Variants in UGT1A10 observed in about 807,000 individuals in gnomAD.
UGT1A10 encodes UDP-glucuronosyltransferase 1A10.
Under a neutral mutation model 45.8 loss-of-function variants are expected in UGT1A10, and 49 were observed. The ratio of observed to expected loss-of-function variants is 1.07; its 90% CI spans 0.85 to 1.36. The LOEUF is 1.36. Ranked by LOEUF, UGT1A10 falls within the 40% of genes most tolerant of loss-of-function variation. UGT1A10 has a pLI of 0.00. For missense variants in UGT1A10, 745 were observed against 668.6 expected (o/e 1.11, Z -1.26); for synonymous variants, 284 against 249.7 (o/e 1.14, Z -1.29).
At chr2:233,661,682 T>TCTTTCTTTCTTTCTTTCTTTC (rs1559329471) in intron 1 of UGT1A10, among the ~76,000 whole-genome samples, 1 of 150,368 alleles carries the variant, frequency 6.7e-6, no homozygotes, top group Admixed American at 6.7e-5. Context: ...TTTCTTTCTT[T>TCTTTCTTTCTTTCTTTCTTTC]TTAAACAAAG....
intron 1 of UGT1A10, among the ~76,000 whole-genome samples, chr2:233,765,988 G>A (rs909645564): frequency 6.6e-6 from 1 of 152,138 alleles, no homozygotes; most frequent in Non-Finnish European, 1.5e-5. Flanking sequence ...AGCTCCTGAA[G>A]CTCCAGTGGG....
chr2:233,724,525 T>G (rs2077275879), intron 1 of UGT1A10, among the ~76,000 whole-genome samples: 2 of 90,906 alleles, frequency 2.2e-5, no homozygotes, highest in African/African-American at 4.9e-5. Flanking sequence ...CCAGATGGGG[T>G]CTCGCCGGGC....
chr2:233,743,530 C>A (rs781463146), intron 1 of UGT1A10: 1 of 1,367,250 alleles, frequency 7.3e-7, no homozygotes, highest in Non-Finnish European at 9.8e-7. Flanking sequence ...GCTTCCCCAG[C>A]AGTTCCTCTG....
At chr2:233,713,077 G>A (rs1466431854) in intron 1 of UGT1A10, 1 of 1,614,196 alleles carries the variant, frequency 6.2e-7, no homozygotes, top group South Asian at 1.1e-5. Flanking sequence ...GCTGAGAGTG[G>A]GAAGGTGCTG....
chr2:233,757,071 A>G (rs1696390721), intron 1 of UGT1A10, among the ~76,000 whole-genome samples: 1 of 151,466 alleles, frequency 6.6e-6, no homozygotes. Context: ...GGGATCCAGA[A>G]TGGCTAGAGG....
intron 1 of UGT1A10, among the ~76,000 whole-genome samples, chr2:233,681,673 C>T (rs2074533859): frequency 6.6e-6 from 1 of 151,820 alleles, no homozygotes; most frequent in South Asian, 2.1e-4. Flanking sequence ...TGTTTCTAAA[C>T]TCATATTGCA....
intron 1 of UGT1A10, among the ~76,000 whole-genome samples, chr2:233,751,872 G>C (rs151015857): frequency 6.6e-6 from 1 of 152,110 alleles, no homozygotes; most frequent in Non-Finnish European, 1.5e-5. Context: ...AAATTACCCC[G>C]TCTTGGGTAT....
At chr2:233,648,081 C>T (rs577937927) in intron 1 of UGT1A10, 1 of 1,522,766 alleles carries the variant, frequency 6.6e-7, no homozygotes, top group Non-Finnish European at 8.8e-7. Flanking sequence ...CCTTATACAC[C>T]CTGGAGGATC....
At position 233,725,210 on chromosome 2, in the gene UGT1A10, AGAGGCAGAG is replaced by A. The variant is rs55801126; in HGVS notation, c.856-41813_856-41805del. The stretch of plus-strand genomic sequence containing the variant: ...CAGAGGCAGAGGCAGAGGCAGAGGC[AGAGGCAGAG>A]GAGGCAGAGGCAGAGGAGGCAGAGG... On this transcript the variant is annotated intron_variant, in intron 1 of 4. Transcript: ENST00000344644. 6.2e-4 allele frequency among the ~76,000 whole-genome samples: 55 copies of A among 88,388 alleles called. 3 individuals are homozygous for A. The highest frequency in any genetic ancestry group is 1.8e-3 in the South Asian group (4 of 2,232). 58.0% of individuals were successfully genotyped at this position (88,388 alleles called of 152,430 possible).
chr2:233,655,265 T>C (rs907354050), intron 1 of UGT1A10, among the ~76,000 whole-genome samples: 1 of 152,134 alleles, frequency 6.6e-6, no homozygotes, highest in African/African-American at 2.4e-5. Context: ...CTTGTAACCT[T>C]GTGTTTTGGG....
intron 1 of UGT1A10, chr2:233,648,413 T>C: frequency 4.6e-6 from 1 of 218,670 alleles, no homozygotes. Context: ...CCTAGATATG[T>C]CTCAGGGTTT....
chr2:233,717,899 T>A (rs1410240697), intron 1 of UGT1A10: 2 of 454,694 alleles, frequency 4.4e-6, no homozygotes, highest in Non-Finnish European at 8.8e-6. Flanking sequence ...ATCTTCAGGA[T>A]GAAATAAAGG....
chr2:233,729,686 G>A (rs1336517970), intron 1 of UGT1A10: 2 of 1,613,912 alleles, frequency 1.2e-6, no homozygotes, highest in Admixed American at 1.7e-5. Context: ...GGCACACAGT[G>A]TCCAAACCCT....
intron 1 of UGT1A10, among the ~76,000 whole-genome samples, chr2:233,708,270 A>G (rs2076010926): frequency 6.6e-6 from 1 of 152,224 alleles, no homozygotes; most frequent in African/African-American, 2.4e-5. Flanking sequence ...TCCTTGCCAC[A>G]TGTATTATCA....
At chr2:233,678,038 G>A (rs1274982607) in intron 1 of UGT1A10, among the ~76,000 whole-genome samples, 1 of 152,122 alleles carries the variant, frequency 6.6e-6, no homozygotes, top group African/African-American at 2.4e-5. Flanking sequence ...GCAGCTGGAG[G>A]TCATTACCCT....
At chr2:233,647,845 TG>T (rs1471991838) in intron 1 of UGT1A10, 1 of 1,196,820 alleles carries the variant, frequency 8.4e-7, no homozygotes, top group Non-Finnish European at 1.2e-6. Flanking sequence ...TTGGTGTCAT[TG>T]GTTTTCTCCA....
chr2:233,636,954 A>G lies in UGT1A10; in HGVS notation c.432A>G (p.Ala144=), dbSNP rs944162954. The G allele has an allele frequency of 5.6e-6, 9 of 1,614,090 alleles. No homozygotes were observed. Among genetic ancestry groups the G allele is most frequent in the Middle Eastern group, 1.7e-4 (1 of 6,060 alleles). The stretch of plus-strand genomic sequence containing the variant: ...ACTTAAAGGAGAGTTCTTTTGATGC[A>G]GTGTTTCTGGATCCTTTTGATACCT... ...VEYLKESSFD[A]VFLDPFDTCG... is the part of the protein sequence containing the mutation. The change falls in exon 1 of 5, where the codon GCA becomes GCG. Residue 144 remains alanine (A), a synonymous_variant. Transcript: ENST00000344644.
intron 1 of UGT1A10, chr2:233,729,898 C>T (rs756538337): frequency 1.5e-5 from 24 of 1,613,872 alleles, no homozygotes; most frequent in East Asian, 4.5e-5. Context: ...GTGGCTGTTC[C>T]GAGGGGACTT....
intron 1 of UGT1A10, among the ~76,000 whole-genome samples, chr2:233,709,572 T>G (rs1359282457): frequency 6.6e-6 from 1 of 152,130 alleles, no homozygotes; most frequent in African/African-American, 2.4e-5. Context: ...AACTTAAAAT[T>G]CAAAAAATAT....
Sources: gnomAD v4.1 joint callset for allele counts (sites outside exome capture counted in the v4.1 genomes callset) on GRCh38, gnomAD v4.1.1 for gene constraint, MANE v1.5 for transcripts, NCBI Gene and HGNC (gene_info 2026-07-23, HGNC 2026-07-21) for gene names.